Variants in NTPCR observed in about 807,000 individuals in gnomAD.
NTPCR encodes the protein cancer-related nucleoside-triphosphatase.
A neutral mutation model predicts 19.5 loss-of-function variants in NTPCR; 15 were observed. That is an observed-to-expected ratio of 0.77 (90% confidence interval 0.51 to 1.18). The LOEUF (loss-of-function observed/expected upper bound fraction) is 1.18, where lower values mean the gene tolerates loss of function less well. Among genes scored for constraint, NTPCR ranks in the 50% most tolerant of loss-of-function variants. The pLI, the probability that NTPCR is intolerant of heterozygous loss-of-function variation, is 0.00. For synonymous variants in NTPCR, 90 were observed against 95.8 expected, an observed-to-expected ratio of 0.94 and a Z score of 0.36; for missense variants, 206 against 240.4, an observed-to-expected ratio of 0.86 and a Z score of 0.95.
At chr1:232,961,367 G>C (rs1668665211) in intron 3 of NTPCR, among the ~76,000 whole-genome samples, 1 of 152,230 alleles carries the variant, frequency 6.6e-6, no homozygotes, top group Admixed American at 6.5e-5. Flanking sequence ...CCCACTGCCA[G>C]GGTGTGAGTG....
At chr1:232,978,121 G>C (rs771296500) in intron 4 of NTPCR, 42 bp from the exon 5 acceptor site, 9 of 1,529,382 alleles carry the variant, frequency 5.9e-6, no homozygotes, top group Admixed American at 1.7e-5. Context: ...TTGAAGAAGA[G>C]GAAAGGAGCT....
rs773087841 is a variant in NTPCR, at chr1:232,978,252, T to G, written c.*21T>G. On this transcript the variant is annotated 3_prime_UTR_variant, in exon 5 of 5. Transcript: ENST00000366628. ...AGTGAAGACACGTGCATTCCTGCCTTCCGTGAAGGAGTGCCCAGTTCAAGA... is the reference window on the plus strand; with the variant it reads ...AGTGAAGACACGTGCATTCCTGCCTGCCGTGAAGGAGTGCCCAGTTCAAGA... 1 of 1,609,102 alleles carries G rather than the reference T, an allele frequency of 6.2e-7. No homozygotes were observed. Among genetic ancestry groups the G allele is most frequent in the Non-Finnish European group, 8.5e-7 (1 of 1,175,770 alleles).
chr1:232,959,481 T>A (rs969503721), intron 3 of NTPCR, among the ~76,000 whole-genome samples: 64 of 152,304 alleles, frequency 4.2e-4, no homozygotes, highest in African/African-American at 1.1e-3. Context: ...GGATTTCTTT[T>A]CTGGAGCAGA....
intron 3 of NTPCR, among the ~76,000 whole-genome samples, chr1:232,959,151 G>A (rs181944007): frequency 7.9e-5 from 12 of 152,258 alleles, no homozygotes; most frequent in Admixed American, 7.8e-4. Context: ...CATGTGTGGA[G>A]GGAGAGACCT....
chr1:232,967,972 A>G (rs1273688285), intron 3 of NTPCR: 2 of 152,142 alleles, frequency 1.3e-5, no homozygotes, highest in Admixed American at 1.3e-4. Flanking sequence ...TATTTCTCCC[A>G]AATATGGCTT....
At chr1:232,962,324 C>G (rs1668689322) in intron 3 of NTPCR, 1 of 152,252 alleles carries the variant, frequency 6.6e-6, no homozygotes, top group Non-Finnish European at 1.5e-5. Flanking sequence ...TTCAGATAAT[C>G]TTAATTCTCC....
chr1:232,976,382 G>C, intron 4 of NTPCR: 1 of 1,549,448 alleles, frequency 6.5e-7, no homozygotes, highest in Non-Finnish European at 8.7e-7. Flanking sequence ...AAATTCTCCA[G>C]CTGTGTATCA....
chr1:232,975,118 A>G (rs1669091602), intron 4 of NTPCR, among the ~76,000 whole-genome samples: 1 of 152,204 alleles, frequency 6.6e-6, no homozygotes, highest in Non-Finnish European at 1.5e-5. Flanking sequence ...TCAAGCTGGC[A>G]GCTTCATAGT....
At chr1:232,961,546 C>A (rs905828407) in intron 3 of NTPCR, among the ~76,000 whole-genome samples, 1 of 152,146 alleles carries the variant, frequency 6.6e-6, no homozygotes, top group Non-Finnish European at 1.5e-5. Context: ...CATTTATTTT[C>A]TTTGGGCTTA....
chr1:232,956,386 G>A lies in NTPCR; in HGVS notation c.237G>A (p.Gly79=), dbSNP rs1216871324. 1 of 1,613,982 alleles carries A rather than the reference G, an allele frequency of 6.2e-7. No individual in the cohort carries two copies. The highest frequency in any genetic ancestry group is 8.5e-7 in the Non-Finnish European group (1 of 1,179,874). The change falls in exon 3 of 5, where the codon GGG becomes GGA. Residue 79 remains glycine, a synonymous_variant. Coordinates refer to ENST00000366628, the MANE Select transcript of NTPCR (RefSeq NM_032324.3). ...PPPGKRECRV[G]QYVVDLTSFE... is the part of the protein sequence containing the mutation. ...CTGGAAAACGTGAATGCCGAGTTGG[G>A]CAGTATGTGGTCGACCTGACTTCTT...
At position 232,950,645 on chromosome 1, in the gene NTPCR, T is replaced by C. The variant is rs1485752982; in HGVS notation, c.-66T>C. The C allele has an allele frequency of 7.5e-7, 1 of 1,337,662 alleles. No homozygotes were observed. The highest frequency in any genetic ancestry group is 1.1e-6 in the Non-Finnish European group (1 of 932,652). The allele number at this position is 1,337,662 out of a possible 1,614,324, so 82.9% of individuals were successfully genotyped here. On this transcript the variant is annotated 5_prime_UTR_variant, in exon 1 of 5. Coordinates refer to ENST00000366628, the MANE Select transcript of NTPCR (RefSeq NM_032324.3). ...CTGAGTCGCGACCCTGGTCCGGACC[T>C]GACCTGAATTGCGACCCCAACCTGG... is the stretch of plus-strand genomic sequence containing the variant.
chr1:232,976,756 A>G (rs560385849), intron 4 of NTPCR: 11 of 501,550 alleles, frequency 2.2e-5, no homozygotes, highest in African/African-American at 5.9e-5. Context: ...AGCCAGGACC[A>G]GTAGAAATGG....
intron 3 of NTPCR, among the ~76,000 whole-genome samples, chr1:232,959,146 G>C (rs549085855): frequency 2.8e-4 from 43 of 152,284 alleles, no homozygotes; most frequent in Non-Finnish European, 5.7e-4. Context: ...ATCCCCATGT[G>C]TGGAGGGAGA....
In NTPCR at chr1:232,950,634, T is replaced by G. The variant is rs1668331946; in HGVS notation, c.-77T>G. 8.1e-7 allele frequency: 1 copy of G among 1,234,568 alleles called. No individual in the cohort carries two copies. Among genetic ancestry groups the G allele is most frequent in the Non-Finnish European group, 1.2e-6 (1 of 843,142 alleles). The allele number at this position is 1,234,568 out of a possible 1,614,324, so 76.5% of individuals were successfully genotyped here. On this transcript the variant is annotated 5_prime_UTR_variant, in exon 1 of 5. Coordinates refer to ENST00000366628, the MANE Select transcript of NTPCR (RefSeq NM_032324.3). ...GTGGGCGGGTCCTGAGTCGCGACCC[T>G]GGTCCGGACCTGACCTGAATTGCGA...
intron 3 of NTPCR, chr1:232,967,046 T>C (rs12035585): frequency 0.18 from 26,920 of 152,166 alleles, 2,647 homozygotes; most frequent in African/African-American, 0.27. Flanking sequence ...CTCCTCACAC[T>C]GGGGGTTGGG....
intron 1 of NTPCR, among the ~76,000 whole-genome samples, chr1:232,952,826 CCT>C (rs1460452780): frequency 1.2e-4 from 18 of 152,210 alleles, no homozygotes; most frequent in African/African-American, 4.3e-4. Flanking sequence ...TGTTGCATAT[CCT>C]CTTAGTGCCC....
At chr1:232,977,325 C>T (rs1669152057) in intron 4 of NTPCR, 1 of 152,562 alleles carries the variant, frequency 6.6e-6, no homozygotes, top group African/African-American at 2.4e-5. Flanking sequence ...AGGTCAGGGT[C>T]CTTACCTGTG....
chr1:232,963,349 T>C (rs1333589548), intron 3 of NTPCR: 2 of 152,230 alleles, frequency 1.3e-5, no homozygotes, highest in Non-Finnish European at 2.9e-5. Context: ...TTTCTGATTG[T>C]TGGCGAGATT....
At chr1:232,958,395 GTCT>G (rs1668571876) in intron 3 of NTPCR, among the ~76,000 whole-genome samples, 2 of 152,204 alleles carry the variant, frequency 1.3e-5, no homozygotes. Flanking sequence ...TGAGCACGCT[GTCT>G]TCATAGATCT....
Sources: gnomAD v4.1 joint callset for allele counts (sites outside exome capture counted in the v4.1 genomes callset) on GRCh38, gnomAD v4.1.1 for gene constraint, MANE v1.5 for transcripts, NCBI Gene and HGNC (gene_info 2026-07-23, HGNC 2026-07-21) for gene names.